Variants in PKIB observed in about 807,000 individuals in gnomAD.
PKIB encodes PKI-beta.
Under a neutral mutation model 4.5 loss-of-function variants are expected in PKIB, and 2 were observed. The observed-to-expected ratio is 0.44, with a 90% CI of 0.18 to 1.39. PKIB has a LOEUF of 1.39. PKIB is among the 40% of genes most tolerant of loss of function. PKIB has a pLI of 0.27. For missense variants in PKIB, 94 were observed against 92.6 expected (o/e 1.02, Z -0.06); for synonymous variants, 38 against 36.0 (o/e 1.06, Z -0.20).
intron 2 of PKIB, among the ~76,000 whole-genome samples, chr6:122,526,808 G>A (rs1346855799): frequency 6.6e-6 from 1 of 152,084 alleles, no homozygotes; most frequent in Non-Finnish European, 1.5e-5. Flanking sequence ...TCTAGCTAAA[G>A]TTACCAGCTG....
At chr6:122,628,316 C>T (rs948644046) in intron 1 of PKIB, among the ~76,000 whole-genome samples, 2 of 152,244 alleles carry the variant, frequency 1.3e-5, no homozygotes, top group African/African-American at 4.8e-5. Context: ...GGATTACAGG[C>T]GTGAGCCACC....
chr6:122,576,710 A>ATATATATATATATTT (rs59569106), intron 2 of PKIB, among the ~76,000 whole-genome samples: 5 of 109,986 alleles, frequency 4.5e-5, no homozygotes, highest in African/African-American at 7.9e-5. Context: ...ATATATATAT[A>ATATATATATATATTT]TTTTCTTTTG....
intron 2 of PKIB, among the ~76,000 whole-genome samples, chr6:122,650,222 A>G (rs572245903): frequency 4.1e-4 from 62 of 152,218 alleles, no homozygotes; most frequent in Non-Finnish European, 5.9e-4. Flanking sequence ...AATTTCATCG[A>G]GGTGGCAGGC....
chr6:122,657,885 T>C (rs983738440), intron 2 of PKIB, among the ~76,000 whole-genome samples: 1 of 152,200 alleles, frequency 6.6e-6, no homozygotes, highest in Non-Finnish European at 1.5e-5. Context: ...GGGACATAAC[T>C]AAAGATAAGG....
chr6:122,636,446 A>C (rs1480946886), intron 2 of PKIB, among the ~76,000 whole-genome samples: 1 of 151,996 alleles, frequency 6.6e-6, no homozygotes, highest in Non-Finnish European at 1.5e-5. Flanking sequence ...TCATCATAAC[A>C]ATTAAATATT....
chr6:122,628,260 C>T (rs1455941245), intron 1 of PKIB, among the ~76,000 whole-genome samples: 2 of 152,234 alleles, frequency 1.3e-5, no homozygotes, highest in African/African-American at 2.4e-5. Context: ...TGGTCTCAAA[C>T]TCCCGACCTC....
At chr6:122,568,973 A>T (rs1773277270) in intron 2 of PKIB, among the ~76,000 whole-genome samples, 1 of 152,090 alleles carries the variant, frequency 6.6e-6, no homozygotes. Flanking sequence ...ACTGCATGGG[A>T]GCTGGGTGAG....
intron 3 of PKIB, among the ~76,000 whole-genome samples, chr6:122,716,106 G>T (rs1779482070): frequency 6.6e-6 from 1 of 152,128 alleles, no homozygotes. Flanking sequence ...TTTTTGTTAG[G>T]ATTAAATGGG....
chr6:122,681,987 T>A (rs545426236), intron 3 of PKIB, among the ~76,000 whole-genome samples: 2 of 152,328 alleles, frequency 1.3e-5, no homozygotes, highest in South Asian at 4.1e-4. Context: ...AACTGTGGGA[T>A]GGAGTCTAGC....
intron 2 of PKIB, among the ~76,000 whole-genome samples, chr6:122,516,333 A>G (rs1776752162): frequency 6.6e-6 from 1 of 152,138 alleles, no homozygotes; most frequent in Non-Finnish European, 1.5e-5. Context: ...TTTTGCTTTA[A>G]TATAACTCCA....
intron 3 of PKIB, among the ~76,000 whole-genome samples, chr6:122,693,427 G>A (rs942527601): frequency 1.3e-5 from 2 of 152,068 alleles, no homozygotes; most frequent in African/African-American, 2.4e-5. Flanking sequence ...ATAGATTTGT[G>A]GGAATTTTCT....
At chr6:122,701,366 C>A in intron 3 of PKIB, 1 of 1,266,056 alleles carries the variant, frequency 7.9e-7, no homozygotes, top group Non-Finnish European at 1.1e-6. Context: ...GATCAGAGAG[C>A]TCTAGCCTGA....
chr6:122,655,260 G>C (rs888010689), intron 2 of PKIB, among the ~76,000 whole-genome samples: 1 of 152,222 alleles, frequency 6.6e-6, no homozygotes, highest in Non-Finnish European at 1.5e-5. Context: ...GACTGCTAGA[G>C]ACAGAATATT....
chr6:122,660,329 C>T (rs937124894), intron 2 of PKIB, among the ~76,000 whole-genome samples: 2 of 152,206 alleles, frequency 1.3e-5, no homozygotes, highest in Non-Finnish European at 2.9e-5. Flanking sequence ...TACACTTTCA[C>T]TCTTCATCTC....
At chr6:122,495,056 A>G (rs1475082405) in intron 2 of PKIB, among the ~76,000 whole-genome samples, 2 of 152,176 alleles carry the variant, frequency 1.3e-5, no homozygotes, top group Non-Finnish European at 2.9e-5. Context: ...GAGTGGCCAG[A>G]CTGCCCTGCT....
At chr6:122,699,300 TTG>T (rs1186892474) in intron 3 of PKIB, among the ~76,000 whole-genome samples, 4 of 2,362 alleles carry the variant, frequency 1.7e-3, no homozygotes, top group South Asian at 0.091. Flanking sequence ...TATATATATA[TTG>T]TGTCTCATGG....
chr6:122,680,280 A>G (rs923049409), intron 3 of PKIB, among the ~76,000 whole-genome samples: 1 of 152,208 alleles, frequency 6.6e-6, no homozygotes, highest in Non-Finnish European at 1.5e-5. Flanking sequence ...TAGAAATATG[A>G]TTAGACAAAA....
At chr6:122,482,597 C>CTGGA (rs2114520445) in intron 2 of PKIB, 1 of 130,364 alleles carries the variant, frequency 7.7e-6, no homozygotes, top group African/African-American at 3.0e-5. Flanking sequence ...GTCACCCAGG[C>CTGGA]TGGAGTGCAG....
chr6:122,549,874 A>G (rs1772621152), intron 2 of PKIB, among the ~76,000 whole-genome samples: 1 of 147,840 alleles, frequency 6.8e-6, no homozygotes, highest in Non-Finnish European at 1.5e-5. Flanking sequence ...GTATATAAAA[A>G]TATATAATTT....
Sources: allele counts gnomAD v4.1 joint callset (sites outside exome capture counted in the v4.1 genomes callset), GRCh38; gene constraint gnomAD v4.1.1; transcripts MANE v1.5; gene names NCBI Gene and HGNC (gene_info 2026-07-23, HGNC 2026-07-21).